CHLSN: variants seen among roughly 807,000 people sequenced by gnomAD.
CHLSN encodes the protein protein cholesin.
the CHLSN span, chr7:1,000,631 G>C: frequency 8.3e-7 from 1 of 1,198,948 alleles, no homozygotes; most frequent in African/African-American, 1.5e-5. Context: ...GATCGGGGAC[G>C]CCTCATCTTA....
the CHLSN span, among the ~76,000 whole-genome samples, chr7:995,629 G>T: frequency 5.9e-5 from 9 of 152,376 alleles, no homozygotes; most frequent in East Asian, 1.7e-3. Flanking sequence ...CTGCTGGGCT[G>T]AACACGGACC....
the CHLSN span, among the ~76,000 whole-genome samples, chr7:1,038,416 G>A: frequency 2.4e-5 from 2 of 83,534 alleles, no homozygotes; most frequent in South Asian, 3.8e-4. Context: ...CAGCCACCCC[G>A]TCCGGGAGGG....
the CHLSN span, chr7:1,045,588 G>A: frequency 0.3 from 46,239 of 151,994 alleles, 8,645 homozygotes; most frequent in African/African-American, 0.53. Context: ...ATAGTCTACC[G>A]TCCTAACTGG....
At chr7:1,055,827 G>C in the CHLSN span, among the ~76,000 whole-genome samples, 3 of 152,226 alleles carry the variant, frequency 2.0e-5, no homozygotes, top group African/African-American at 4.8e-5. Context: ...GGGGGCCCTG[G>C]GCGCCCCGTG....
chr7:1,115,421 G>A, the CHLSN span, among the ~76,000 whole-genome samples: 37 of 152,318 alleles, frequency 2.4e-4, no homozygotes, highest in Admixed American at 1.6e-3. Context: ...ATCAGGAGGC[G>A]CTCCCCATCA....
At chr7:1,028,263 A>T in the CHLSN span, 5 of 1,093,800 alleles carry the variant, frequency 4.6e-6, no homozygotes, top group Non-Finnish European at 5.6e-6. Flanking sequence ...CTGACCTCTG[A>T]CCCGGCTGTC....
chr7:1,104,542 C>T, the CHLSN span, among the ~76,000 whole-genome samples: 1 of 152,248 alleles, frequency 6.6e-6, no homozygotes, highest in African/African-American at 2.4e-5. Flanking sequence ...GAGCTTTCCT[C>T]CAGGTCAGCG....
At chr7:1,103,315 G>C in the CHLSN span, among the ~76,000 whole-genome samples, 23 of 152,292 alleles carry the variant, frequency 1.5e-4, no homozygotes, top group African/African-American at 5.1e-4. Flanking sequence ...GCGTCAAAGT[G>C]GAAGTGGCTA....
the CHLSN span, chr7:997,345 G>C: frequency 4.5e-5 from 17 of 375,762 alleles, no homozygotes; most frequent in Non-Finnish European, 6.6e-5. Context: ...CCAAGGCCAG[G>C]GGTCCGGGTG....
the CHLSN span, among the ~76,000 whole-genome samples, chr7:1,046,689 C>A: frequency 6.6e-6 from 1 of 151,896 alleles, no homozygotes; most frequent in African/African-American, 2.4e-5. Flanking sequence ...CAAAATACCC[C>A]CTTGAGCAGC....
the CHLSN span, among the ~76,000 whole-genome samples, chr7:1,084,768 C>T: frequency 6.6e-6 from 1 of 152,236 alleles, no homozygotes; most frequent in Admixed American, 6.5e-5. Flanking sequence ...TATCACACAG[C>T]ACGTGGGGTG....
the CHLSN span, among the ~76,000 whole-genome samples, chr7:1,015,047 G>C: frequency 6.6e-6 from 1 of 152,234 alleles, no homozygotes; most frequent in African/African-American, 2.4e-5. Context: ...GGCCTGACAC[G>C]GCTGCTGTGG....
At chr7:1,016,470 T>C in the CHLSN span, among the ~76,000 whole-genome samples, 231 of 28,086 alleles carry the variant, frequency 8.2e-3, 5 homozygotes, top group Non-Finnish European at 0.011. Flanking sequence ...CGCCAGCACA[T>C]AGCAGCACAG....
the CHLSN span, among the ~76,000 whole-genome samples, chr7:1,036,739 C>T: frequency 8.2e-6 from 1 of 121,680 alleles, no homozygotes; most frequent in African/African-American, 2.6e-5. Context: ...TTGAGAGGAT[C>T]GGGGTGGGGA....
the CHLSN span, among the ~76,000 whole-genome samples, chr7:1,098,752 G>A: frequency 3.3e-5 from 5 of 152,344 alleles, no homozygotes; most frequent in African/African-American, 1.2e-4. Flanking sequence ...CACTGCGTGC[G>A]TCCGCCAATG....
the CHLSN span, among the ~76,000 whole-genome samples, chr7:1,098,903 T>A: frequency 1.3e-5 from 2 of 152,192 alleles, no homozygotes. Flanking sequence ...TAAAATTAGA[T>A]TGTGGCGATG....
At chr7:1,083,647 C>CA in the CHLSN span, among the ~76,000 whole-genome samples, 14,282 of 148,822 alleles carry the variant, frequency 0.096, 925 homozygotes, top group African/African-American at 0.18. Context: ...ACAAAAAAAA[C>CA]AAAAAAAAAC....
At chr7:1,066,603 A>G in the CHLSN span, among the ~76,000 whole-genome samples, 1 of 152,112 alleles carries the variant, frequency 6.6e-6, no homozygotes, top group Admixed American at 6.5e-5. Flanking sequence ...CCCTCTACCT[A>G]CCTGCCCTCC....
the CHLSN span, among the ~76,000 whole-genome samples, chr7:992,819 C>A: frequency 6.6e-6 from 1 of 152,194 alleles, no homozygotes; most frequent in African/African-American, 2.4e-5. Flanking sequence ...GGGACTTGGA[C>A]AGCTCAGCCT....
Sources: allele counts gnomAD v4.1 joint callset (sites outside exome capture counted in the v4.1 genomes callset), GRCh38; gene constraint gnomAD v4.1.1; transcripts MANE v1.5; gene names NCBI Gene and HGNC (gene_info 2026-07-23, HGNC 2026-07-21).